PARVB: variants seen among roughly 807,000 people sequenced by gnomAD.
PARVB encodes parvin beta.
Under a neutral mutation model 47.0 loss-of-function variants are expected in PARVB, and 46 were observed. The observed-to-expected ratio is 0.98, with a 90% confidence interval of 0.77 to 1.25. The LOEUF (loss-of-function observed/expected upper bound fraction) is 1.25. Ranked by LOEUF, PARVB falls within the 50% of genes most tolerant of loss-of-function variation. PARVB has a pLI of 0.00. For synonymous variants in PARVB, 196 were observed against 196.3 expected (o/e 1.00, Z 0.01); for missense variants, 473 against 471.6 (o/e 1.00, Z -0.03).
chr22:44,001,194 G>A (rs891345700), intron 2 of PARVB, among the ~76,000 whole-genome samples: 2 of 152,214 alleles, frequency 1.3e-5, no homozygotes, highest in Non-Finnish European at 2.9e-5. Context: ...AGCTTGCAGT[G>A]AGCCGAGATC....
chr22:44,061,455 A>ACAAAACAAAC (rs1283641971), intron 1 of PARVB, among the ~76,000 whole-genome samples: 8 of 151,814 alleles, frequency 5.3e-5, no homozygotes, highest in Non-Finnish European at 1.2e-4. Context: ...ACAAAACAAA[A>ACAAAACAAAC]CAAAACAAAC....
At chr22:44,052,636 C>A (rs1016339956) in intron 1 of PARVB, among the ~76,000 whole-genome samples, 1 of 152,200 alleles carries the variant, frequency 6.6e-6, no homozygotes, top group Non-Finnish European at 1.5e-5. Flanking sequence ...GCTGCGTCCC[C>A]CTGAAGCTAC....
intron 1 of PARVB, 59 bp from the exon 2 acceptor site, chr22:44,093,869 T>C (rs1194309537): frequency 2.8e-6 from 3 of 1,054,620 alleles, no homozygotes. Context: ...ACAGCCAACA[T>C]GTGAGGCCAC....
In PARVB at chr22:44,117,937, A is replaced by T. The variant is rs148723911; in HGVS notation, c.274-1101A>T. ...TCAGAAGCAGGATTGGCCAGGTGGA[A>T]TTGTGTTTGGCGGGAGTCCTGTCTT... On this transcript the variant is annotated intron_variant, in intron 3 of 12. Transcript: ENST00000338758. Among the ~76,000 whole-genome samples the T allele has an allele frequency of 3.9e-3, 587 of 152,320 alleles. 5 individuals are homozygous for T. Among genetic ancestry groups the T allele is most frequent in the African/African-American group, 0.013 (549 of 41,564 alleles).
intron 8 of PARVB, chr22:44,145,448 C>T (rs1417045357): frequency 6.6e-6 from 1 of 152,254 alleles, no homozygotes; most frequent in Non-Finnish European, 1.5e-5. Flanking sequence ...CCTACCCGAC[C>T]CTCTTCCTGT....
Position 44,068,174 on chromosome 22 carries a change from G to C in PARVB, c.113-25754G>C, listed in dbSNP as rs2051576329. Among the ~76,000 whole-genome samples, 2 of 152,192 alleles carry C rather than the reference G, an allele frequency of 1.3e-5. No individual in the cohort carries two copies. The highest frequency in any genetic ancestry group is 1.3e-4 in the Admixed American group (2 of 15,290). On this transcript the variant is annotated intron_variant, in intron 1 of 12. Transcript: ENST00000338758. The surrounding 1 kb of genome is among the most constrained non-coding windows in gnomAD (Gnocchi z 4.1). ...CAGCCTCAGGAAAGAGCTTCCACAGGGAGTTGGGGGACTGGTAATTGGAAT... is the reference window on the plus strand; with the variant it reads ...CAGCCTCAGGAAAGAGCTTCCACAGCGAGTTGGGGGACTGGTAATTGGAAT...
chr22:44,158,205 A>G (rs1264090041), intron 11 of PARVB, 122 bp downstream of exon 11: 5 of 646,610 alleles, frequency 7.7e-6, no homozygotes, highest in Middle Eastern at 2.6e-4. Context: ...TAAAAAATGC[A>G]CAAGTGATAT....
chr22:44,119,602 A>G (rs1182047770), intron 4 of PARVB, among the ~76,000 whole-genome samples: 1 of 152,174 alleles, frequency 6.6e-6, no homozygotes, highest in Non-Finnish European at 1.5e-5. Flanking sequence ...AAGGCAGTTT[A>G]GTGATCTTCC....
chr22:44,008,811 CCATCTCTACTA>C (rs2146850278), intron 2 of PARVB, among the ~76,000 whole-genome samples: 1 of 151,958 alleles, frequency 6.6e-6, no homozygotes, highest in African/African-American at 2.4e-5. Flanking sequence ...CGAGGAAACC[CCATCTCTACTA>C]AAAGTACAAA....
intron 1 of PARVB, among the ~76,000 whole-genome samples, chr22:44,071,532 A>G (rs1459808293): frequency 6.6e-6 from 1 of 151,866 alleles, no homozygotes; most frequent in African/African-American, 2.4e-5. Flanking sequence ...CATTGGGATC[A>G]CCCCCTCCAT....
At chr22:44,091,295 T>TTTTG (rs1555901702) in intron 1 of PARVB, among the ~76,000 whole-genome samples, 1 of 141,792 alleles carries the variant, frequency 7.1e-6, no homozygotes, top group Admixed American at 7.0e-5. Flanking sequence ...TTTTTTTTTT[T>TTTTG]GCTATTTAAA....
chr22:44,148,488 C>G (rs1198616086), intron 9 of PARVB: 1 of 162,798 alleles, frequency 6.1e-6, no homozygotes, highest in Non-Finnish European at 1.4e-5. Flanking sequence ...GAACTGGAGC[C>G]CACTGGCTGC....
At chr22:44,097,835 T>A (rs1449001658) in intron 2 of PARVB, among the ~76,000 whole-genome samples, 1 of 152,132 alleles carries the variant, frequency 6.6e-6, no homozygotes, top group African/African-American at 2.4e-5. Flanking sequence ...TTGGTAACAG[T>A]AAGCCTCGAA....
At chr22:44,051,946 G>A (rs1360646073) in intron 1 of PARVB, among the ~76,000 whole-genome samples, 2 of 152,104 alleles carry the variant, frequency 1.3e-5, no homozygotes, top group East Asian at 1.9e-4. Flanking sequence ...AAGATGCACC[G>A]AGGACTGATG....
intron 4 of PARVB, among the ~76,000 whole-genome samples, chr22:44,120,513 G>A (rs139980393): frequency 3.4e-4 from 51 of 152,206 alleles, no homozygotes; most frequent in African/African-American, 1.1e-3. Context: ...GTGTGACTGC[G>A]CTGCCTGCTT....
chr22:44,160,163 G>A (rs915364624), intron 11 of PARVB, among the ~76,000 whole-genome samples: 1 of 152,212 alleles, frequency 6.6e-6, no homozygotes, highest in Non-Finnish European at 1.5e-5. Context: ...CACGTGCTGA[G>A]CACCTTGCAC....
intron 10 of PARVB, among the ~76,000 whole-genome samples, chr22:44,156,020 C>G (rs950981158): frequency 6.6e-6 from 1 of 151,938 alleles, no homozygotes; most frequent in African/African-American, 2.4e-5. Context: ...TATGGTGGCA[C>G]GCGCCTGTAA....
intron 8 of PARVB, 179 bp from the exon 9 acceptor site, chr22:44,147,682 G>T (rs1262865138): frequency 2.6e-6 from 2 of 756,072 alleles, no homozygotes; most frequent in South Asian, 1.4e-5. Flanking sequence ...CCTTGGTTTG[G>T]CCGGGACTGA....
intron 3 of PARVB, chr22:44,107,898 G>C (rs1436215339): frequency 2.0e-5 from 3 of 151,456 alleles, no homozygotes; most frequent in Non-Finnish European, 4.4e-5. Context: ...TTTTGAGACG[G>C]AGTCTCACAC....
Sources: allele counts gnomAD v4.1 joint callset (sites outside exome capture counted in the v4.1 genomes callset), GRCh38; gene constraint gnomAD v4.1.1; non-coding constraint Gnocchi (gnomAD v3.1); transcripts MANE v1.5; gene names NCBI Gene and HGNC (gene_info 2026-07-23, HGNC 2026-07-21).